Variants in PCDH9 observed in about 807,000 individuals in gnomAD.
PCDH9 encodes protocadherin-9.
In PCDH9, 24 loss-of-function variants were observed where a neutral mutation model predicts 70.6. The observed-to-expected ratio is 0.34, with a 90% CI of 0.25 to 0.48. PCDH9 has a LOEUF of 0.48. Among genes scored for constraint, PCDH9 ranks in the 20% least tolerant of loss-of-function variants. PCDH9 has a pLI of 0.99. For synonymous variants in PCDH9, 562 were observed against 558.5 expected (o/e 1.01, Z -0.09); for missense variants, 1,281 against 1,503.6 (o/e 0.85, Z 2.45).
chr13:66,907,641 A>T (rs767659037), intron 2 of PCDH9, among the ~76,000 whole-genome samples: 2 of 152,202 alleles, frequency 1.3e-5, no homozygotes, highest in Non-Finnish European at 2.9e-5. Flanking sequence ...ACTTCTAGCC[A>T]TATTAAGAGA....
intron 2 of PCDH9, among the ~76,000 whole-genome samples, chr13:66,918,385 C>A (rs1180868676): frequency 6.6e-6 from 1 of 151,138 alleles, no homozygotes; most frequent in South Asian, 2.1e-4. Context: ...CTTCTTATAA[C>A]CAGAAGTGTG....
chr13:67,048,626 G>A (rs1001095711), intron 2 of PCDH9, among the ~76,000 whole-genome samples: 3 of 152,192 alleles, frequency 2.0e-5, no homozygotes, highest in African/African-American at 4.8e-5. Flanking sequence ...TGTGGGTGGG[G>A]AATAGAACAA....
chr13:67,183,938 C>T (rs1043906857), intron 2 of PCDH9, among the ~76,000 whole-genome samples: 9 of 152,240 alleles, frequency 5.9e-5, no homozygotes, highest in Middle Eastern at 3.4e-3. Flanking sequence ...TATTAAGATG[C>T]AGATTTGCAG....
At chr13:66,686,988 G>T (rs2078412671) in intron 3 of PCDH9, among the ~76,000 whole-genome samples, 2 of 152,096 alleles carry the variant, frequency 1.3e-5, no homozygotes, top group African/African-American at 4.8e-5. Context: ...GCTTCTAATT[G>T]TGCCCCCCAA....
chr13:67,071,127 C>T (rs968028079), intron 2 of PCDH9, among the ~76,000 whole-genome samples: 3 of 152,094 alleles, frequency 2.0e-5, no homozygotes, highest in Admixed American at 1.3e-4. Flanking sequence ...TCCCTCAACC[C>T]CCAGTCGTAA....
At chr13:66,907,114 G>T (rs1234212167) in intron 2 of PCDH9, among the ~76,000 whole-genome samples, 1 of 152,106 alleles carries the variant, frequency 6.6e-6, no homozygotes, top group Non-Finnish European at 1.5e-5. Flanking sequence ...TGAGGCACGA[G>T]AATAGCTTGA....
At chr13:66,834,296 T>C (rs1191868354) in intron 3 of PCDH9, among the ~76,000 whole-genome samples, 1 of 151,924 alleles carries the variant, frequency 6.6e-6, no homozygotes, top group East Asian at 1.9e-4. Flanking sequence ...TAGCTGGGAT[T>C]ACAGAAGCCC....
rs183956354 is a variant in PCDH9, at chr13:67,045,002, G to C, written c.3037-141397C>G. On this transcript the variant is annotated intron_variant, in intron 2 of 4. Transcript: ENST00000377865. ...TGCACAAACATAGAAGACAGAAATGGAGCAAAGAAATGGAAATGCCAGGCT... is the reference window on the plus strand; with the variant it reads ...TGCACAAACATAGAAGACAGAAATGCAGCAAAGAAATGGAAATGCCAGGCT... Among the ~76,000 whole-genome samples, 6 of 152,266 alleles carry C rather than the reference G, an allele frequency of 3.9e-5. No homozygotes were observed. In the East Asian group the frequency reaches 1.2e-3, roughly 29 times the overall value.
intron 4 of PCDH9, among the ~76,000 whole-genome samples, chr13:66,516,183 C>T (rs1256306481): frequency 6.6e-6 from 1 of 151,840 alleles, no homozygotes; most frequent in East Asian, 1.9e-4. Flanking sequence ...ATAGATAAAA[C>T]ATGTTAGGTT....
intron 2 of PCDH9, among the ~76,000 whole-genome samples, chr13:67,061,443 G>C (rs1345632501): frequency 6.6e-6 from 1 of 151,796 alleles, no homozygotes; most frequent in Admixed American, 6.6e-5. Context: ...ATCCAACACA[G>C]TTACAAAATA....
chr13:66,304,480 A>G lies in PCDH9; in HGVS notation c.*175T>C. 3.5e-6 allele frequency: 2 copies of G among 577,006 alleles called. No individual in the cohort carries two copies. The highest frequency in any genetic ancestry group is 2.4e-5 in the South Asian group (1 of 41,136). The allele number at this position is 577,006 out of a possible 1,614,324, so 35.7% of individuals were successfully genotyped here. Reference sequence around the variant, plus strand: ...TAGTAAACAAAATTGCATGGCTAGAACTATCTTCTCTCATATGTTGCAAAA... The same window carrying G: ...TAGTAAACAAAATTGCATGGCTAGAGCTATCTTCTCTCATATGTTGCAAAA... On this transcript the variant is annotated 3_prime_UTR_variant, in exon 5 of 5. Transcript: ENST00000377865.
intron 2 of PCDH9, among the ~76,000 whole-genome samples, chr13:66,964,074 A>G (rs2083393240): frequency 2.6e-5 from 4 of 152,140 alleles, no homozygotes; most frequent in Admixed American, 2.6e-4. Flanking sequence ...CTCTAACTGC[A>G]AAACATATAT....
At position 66,562,585 on chromosome 13, in the gene PCDH9, G is replaced by A. The variant is rs146984182; in HGVS notation, c.3340+68625C>T. ...GGAACTGCCCTTTATAAAACCATCAGATCTTGTGGGACATATTCACTAACA... is the reference window on the plus strand; with the variant it reads ...GGAACTGCCCTTTATAAAACCATCAAATCTTGTGGGACATATTCACTAACA... On this transcript the variant is annotated intron_variant, in intron 4 of 4. Coordinates refer to ENST00000377865, the MANE Select transcript of PCDH9 (RefSeq NM_203487.3). Among the ~76,000 whole-genome samples, 123 of 152,242 alleles carry A rather than the reference G, an allele frequency of 8.1e-4. 1 individual carries two copies. In the East Asian group the frequency reaches 0.023, roughly 28 times the overall value.
chr13:66,393,506 A>T (rs1297081539), intron 4 of PCDH9, among the ~76,000 whole-genome samples: 1 of 152,204 alleles, frequency 6.6e-6, no homozygotes, highest in African/African-American at 2.4e-5. Context: ...ATGTATGGAC[A>T]TGTTGACAGA....
intron 2 of PCDH9, among the ~76,000 whole-genome samples, chr13:67,106,795 C>A (rs1271833677): frequency 2.0e-5 from 3 of 152,216 alleles, no homozygotes; most frequent in Non-Finnish European, 4.4e-5. Context: ...CTTCCCCTGG[C>A]CTCTCCCTGC....
chr13:66,366,041 C>A (rs988209521), intron 4 of PCDH9, among the ~76,000 whole-genome samples: 6 of 151,906 alleles, frequency 3.9e-5, no homozygotes, highest in Admixed American at 3.9e-4. Flanking sequence ...CAGAATCACT[C>A]AAAAAGTATA....
chr13:66,497,814 CTTTTTTTT>C (rs763360211), intron 4 of PCDH9, among the ~76,000 whole-genome samples: 2 of 111,324 alleles, frequency 1.8e-5, no homozygotes, highest in Non-Finnish European at 1.9e-5. Flanking sequence ...CACACTCTTA[CTTTTTTTT>C]TTTTTTTTTT....
intron 4 of PCDH9, among the ~76,000 whole-genome samples, chr13:66,345,339 C>G (rs1956196110): frequency 6.6e-6 from 1 of 152,106 alleles, no homozygotes; most frequent in African/African-American, 2.4e-5. Context: ...TCATTTTACT[C>G]CAAAGGGCAA....
intron 2 of PCDH9, among the ~76,000 whole-genome samples, chr13:67,021,807 A>C (rs2084678288): frequency 6.6e-6 from 1 of 152,102 alleles, no homozygotes; most frequent in South Asian, 2.1e-4. Flanking sequence ...TGATTCACCT[A>C]AATCAGCCTC....
Sources: allele counts gnomAD v4.1 joint callset (sites outside exome capture counted in the v4.1 genomes callset), GRCh38; gene constraint gnomAD v4.1.1; transcripts MANE v1.5; gene names NCBI Gene and HGNC (gene_info 2026-07-23, HGNC 2026-07-21).